DCTN4: variants seen among roughly 807,000 people sequenced by gnomAD.
DCTN4 encodes the protein dynactin 4 (p62).
Under a neutral mutation model 62.7 loss-of-function variants are expected in DCTN4, and 23 were observed. That is an observed-to-expected ratio of 0.37 (90% CI 0.26 to 0.52). The LOEUF (loss-of-function observed/expected upper bound fraction) is 0.52. Among genes scored for constraint, DCTN4 ranks in the 20% least tolerant of loss-of-function variants. DCTN4 has a pLI of 0.92. For missense variants in DCTN4, 514 were observed against 580.4 expected, an observed-to-expected ratio of 0.89 and a Z score of 1.18; for synonymous variants, 199 against 202.1, an observed-to-expected ratio of 0.98 and a Z score of 0.13.
intron 4 of DCTN4, among the ~76,000 whole-genome samples, chr5:150,739,575 A>C (rs1396159885): frequency 1.3e-5 from 2 of 152,192 alleles, no homozygotes; most frequent in Non-Finnish European, 2.9e-5. Flanking sequence ...ACTAGTAAAA[A>C]CAATCCTAAA....
At chr5:150,730,964 C>G in intron 7 of DCTN4, 80 bp downstream of exon 7, 1 of 923,354 alleles carries the variant, frequency 1.1e-6, no homozygotes, top group Non-Finnish European at 1.7e-6. Flanking sequence ...CATTAAAAAT[C>G]TCAAATCACT....
At chr5:150,747,358 T>C (rs1279568393) in intron 3 of DCTN4, among the ~76,000 whole-genome samples, 2 of 151,970 alleles carry the variant, frequency 1.3e-5, no homozygotes, top group Admixed American at 1.3e-4. Context: ...AAAATGGCCA[T>C]ACTGCCCAAG....
rs117938075 is a variant in DCTN4 at position 150,728,847 on chromosome 5, G to C, written c.834+1784C>G. Among the ~76,000 whole-genome samples the C allele has an allele frequency of 2.9e-4, 44 of 151,298 alleles. No individual in the cohort carries two copies. In the East Asian group the frequency reaches 7.2e-3, roughly 25 times the overall value. On this transcript the variant is annotated intron_variant, in intron 8 of 12. Transcript: ENST00000447998. ...ATTTAATGTAAATACTGATACATCT[G>C]GATTTTAATCTACTATCTTACCACA...
chr5:150,713,445 C>CTTTT (rs371366897), intron 12 of DCTN4, among the ~76,000 whole-genome samples: 4 of 135,600 alleles, frequency 2.9e-5, no homozygotes, highest in Non-Finnish European at 4.8e-5. Context: ...CTTTTCTTTT[C>CTTTT]TTTTTTTTTT....
chr5:150,729,288 T>C (rs1254938390), intron 8 of DCTN4, among the ~76,000 whole-genome samples: 1 of 152,008 alleles, frequency 6.6e-6, no homozygotes, highest in Non-Finnish European at 1.5e-5. Flanking sequence ...TACAAAAATA[T>C]AGAATGGTAT....
chr5:150,755,606 GACATTCT>G, intron 2 of DCTN4: 1 of 456,100 alleles, frequency 2.2e-6, no homozygotes, highest in Non-Finnish European at 4.4e-6. Context: ...CTAATGAAAT[GACATTCT>G]ATAAAATACC....
chr5:150,754,070 A>C (rs1752772601), intron 2 of DCTN4, among the ~76,000 whole-genome samples: 1 of 152,236 alleles, frequency 6.6e-6, no homozygotes, highest in Admixed American at 6.5e-5. Context: ...AAAATAACCG[A>C]CTGCTGTGCC....
chr5:150,749,682 T>G (rs1752602965), intron 3 of DCTN4, among the ~76,000 whole-genome samples: 2 of 151,972 alleles, frequency 1.3e-5, no homozygotes, highest in African/African-American at 4.8e-5. Flanking sequence ...TAAAAATAGT[T>G]TGGCAGCTTC....
chr5:150,723,373 G>A (rs1446221163), intron 8 of DCTN4, among the ~76,000 whole-genome samples: 1 of 152,158 alleles, frequency 6.6e-6, no homozygotes, highest in Non-Finnish European at 1.5e-5. Context: ...ATACAGGAAG[G>A]GTAAGTAACC....
At chr5:150,753,356 T>A in intron 3 of DCTN4, 123 bp downstream of exon 3, 3 of 776,276 alleles carry the variant, frequency 3.9e-6, no homozygotes, top group Non-Finnish European at 6.1e-6. Context: ...CACAGAAGAG[T>A]TAATGACAAA....
At chr5:150,712,872 A>G (rs1759620207) in intron 12 of DCTN4, among the ~76,000 whole-genome samples, 1 of 152,226 alleles carries the variant, frequency 6.6e-6, no homozygotes, top group African/African-American at 2.4e-5. Flanking sequence ...ACATATTTAC[A>G]TATTTATACA....
chr5:150,746,926 G>A lies in DCTN4; in HGVS notation c.386-4769C>T, dbSNP rs1048160476. On this transcript the variant is annotated intron_variant, in intron 3 of 12. Transcript: ENST00000447998. ...CCACTCCTATTCAACATAGTGTTGG[G>A]AGTTCTGGCCAGGGCAATCAGGCAG... Among the ~76,000 whole-genome samples, 5 of 152,168 alleles carry A rather than the reference G, an allele frequency of 3.3e-5. No individual in the cohort carries two copies. In the East Asian group the frequency reaches 5.8e-4, roughly 18 times the overall value.
chr5:150,715,361 C>T (rs1348429159), intron 12 of DCTN4, among the ~76,000 whole-genome samples: 1 of 152,130 alleles, frequency 6.6e-6, no homozygotes, highest in Admixed American at 6.6e-5. Context: ...TGCCAAAATG[C>T]TAATGGTGTT....
chr5:150,717,575 T>C (rs1759812088), intron 11 of DCTN4, among the ~76,000 whole-genome samples: 1 of 152,126 alleles, frequency 6.6e-6, no homozygotes, highest in Non-Finnish European at 1.5e-5. Flanking sequence ...TGTATACTCT[T>C]TGTAAGGTAG....
chr5:150,729,185 G>A (rs774685058), intron 8 of DCTN4, among the ~76,000 whole-genome samples: 4 of 150,562 alleles, frequency 2.7e-5, no homozygotes, highest in Non-Finnish European at 5.9e-5. Flanking sequence ...ATGAGCCCAG[G>A]CTTTCTATTT....
At chr5:150,718,449 G>A (rs1038878550) in intron 10 of DCTN4, 66 bp from the exon 11 acceptor site, 10 of 1,098,140 alleles carry the variant, frequency 9.1e-6, no homozygotes, top group South Asian at 4.5e-5. Context: ...CGAATATTTC[G>A]CAAAATTACC....
intron 4 of DCTN4, 53 bp downstream of exon 4, chr5:150,742,061 T>C: frequency 2.7e-6 from 4 of 1,508,744 alleles, no homozygotes; most frequent in Non-Finnish European, 3.7e-6. Flanking sequence ...TCTTCAGTCT[T>C]TTACTCAATT....
At chr5:150,758,743 G>T in intron 1 of DCTN4, 116 bp downstream of exon 1, 1 of 1,448,634 alleles carries the variant, frequency 6.9e-7, no homozygotes, top group East Asian at 2.3e-5. Context: ...CCGAGTGACG[G>T]AAGACATAAC....
At position 150,731,945 on chromosome 5, in the gene DCTN4, C is replaced by CA. The variant is rs766730602; in HGVS notation, c.538-457dup. On this transcript the variant is annotated intron_variant, in intron 5 of 12. Transcript: ENST00000447998. Reference sequence around the variant, plus strand: ...AAATAGCAGCAGGTTGCAACAGAGACAAAAAATGCAGCATAAGATAGAAGC... The same window carrying CA: ...AAATAGCAGCAGGTTGCAACAGAGACAAAAAAATGCAGCATAAGATAGAAGC... 5.8e-6 allele frequency: 9 copies of CA among 1,546,152 alleles called. No homozygotes were observed. In the East Asian group the frequency reaches 9.8e-5, roughly 17 times the overall value.
Sources: gnomAD v4.1 joint callset for allele counts (sites outside exome capture counted in the v4.1 genomes callset) on GRCh38, gnomAD v4.1.1 for gene constraint, MANE v1.5 for transcripts, NCBI Gene and HGNC (gene_info 2026-07-23, HGNC 2026-07-21) for gene names.